The following RARB variants were observed in gnomAD, a reference collection of about 807,000 sequenced individuals.
RARB encodes the protein HBV-activated protein.
In RARB, 17 loss-of-function variants were observed where a neutral mutation model predicts 51.9. The ratio of observed to expected loss-of-function variants is 0.33; its 90% CI spans 0.22 to 0.49. The LOEUF (loss-of-function observed/expected upper bound fraction) is 0.49. Among genes scored for constraint, RARB ranks in the 20% least tolerant of loss-of-function variants. RARB has a pLI of 0.99. For synonymous variants in RARB, 215 were observed against 195.4 expected, an observed-to-expected ratio of 1.10 and a Z score of -0.84; for missense variants, 369 against 550.8, an observed-to-expected ratio of 0.67 and a Z score of 3.30.
At chr3:25,524,111 C>T (rs1698530738) in intron 3 of RARB, among the ~76,000 whole-genome samples, 3 of 152,138 alleles carry the variant, frequency 2.0e-5, no homozygotes, top group Admixed American at 2.0e-4. Context: ...GCAAGAAATT[C>T]TTGAAGTATC....
intron 5 of RARB, among the ~76,000 whole-genome samples, chr3:25,219,209 C>T (rs967847374): frequency 2.6e-5 from 4 of 151,782 alleles, no homozygotes; most frequent in African/African-American, 9.7e-5. Flanking sequence ...CTATTAAAGT[C>T]ATTTTTAATG....
chr3:25,382,167 A>C (rs1470452842), intron 5 of RARB, among the ~76,000 whole-genome samples: 1 of 152,228 alleles, frequency 6.6e-6, no homozygotes, highest in African/African-American at 2.4e-5. Context: ...GACACATTAA[A>C]ACAAAGAGAT....
At chr3:24,898,771 C>T in intron 2 of RARB, among the ~76,000 whole-genome samples, 1 of 152,120 alleles carries the variant, frequency 6.6e-6, no homozygotes, top group African/African-American at 2.4e-5. Flanking sequence ...TAGCTTTTTG[C>T]TCTAATGTTT....
chr3:25,413,149 G>A (rs1041417310), intron 5 of RARB, among the ~76,000 whole-genome samples: 2 of 152,076 alleles, frequency 1.3e-5, no homozygotes, highest in African/African-American at 4.8e-5. Flanking sequence ...TAGATTAAAA[G>A]GTAACCAGTA....
intron 2 of RARB, among the ~76,000 whole-genome samples, chr3:24,893,700 A>G (rs1164330046): frequency 6.8e-6 from 1 of 147,106 alleles, no homozygotes; most frequent in African/African-American, 2.5e-5. Flanking sequence ...TTTTTTTTTT[A>G]ATTTTGTAGA....
At chr3:25,345,709 G>C (rs1433676143) in intron 5 of RARB, among the ~76,000 whole-genome samples, 3 of 150,452 alleles carry the variant, frequency 2.0e-5, no homozygotes, top group Non-Finnish European at 3.0e-5. Context: ...CTAAATTTAA[G>C]TGGAATTTAG....
chr3:25,135,400 T>A (rs1349560420), intron 4 of RARB, among the ~76,000 whole-genome samples: 1 of 151,982 alleles, frequency 6.6e-6, no homozygotes, highest in South Asian at 2.1e-4. Context: ...AATAACCCCA[T>A]TTACCTGGAT....
At chr3:24,973,823 T>G (rs1401523065) in intron 2 of RARB, among the ~76,000 whole-genome samples, 2 of 152,100 alleles carry the variant, frequency 1.3e-5, no homozygotes, top group African/African-American at 4.8e-5. Context: ...TTTACTGAAT[T>G]CGTTTATGAG....
intron 5 of RARB, among the ~76,000 whole-genome samples, chr3:25,590,649 A>G (rs960711643): frequency 6.6e-6 from 1 of 152,174 alleles, no homozygotes; most frequent in Non-Finnish European, 1.5e-5. Flanking sequence ...CCTGCCCAGC[A>G]GATGGGACTA....
intron 5 of RARB, among the ~76,000 whole-genome samples, chr3:25,588,074 A>C (rs1262159775): frequency 6.6e-6 from 1 of 152,248 alleles, no homozygotes; most frequent in African/African-American, 2.4e-5. Flanking sequence ...CTCAGAGCTC[A>C]TATTCTAGAA....
intron 5 of RARB, among the ~76,000 whole-genome samples, chr3:25,284,579 A>C (rs1238167627): frequency 6.6e-6 from 1 of 152,126 alleles, no homozygotes; most frequent in Admixed American, 6.5e-5. Context: ...TGAGGGAAGC[A>C]GCATTCTAAA....
intron 2 of RARB, among the ~76,000 whole-genome samples, chr3:25,487,607 G>A (rs1328369048): frequency 1.3e-5 from 2 of 151,718 alleles, no homozygotes; most frequent in South Asian, 2.1e-4. Context: ...AGCTTTGAGC[G>A]GATAAAAATT....
intron 5 of RARB, among the ~76,000 whole-genome samples, chr3:25,250,094 T>G (rs1440485489): frequency 6.6e-6 from 1 of 152,060 alleles, no homozygotes; most frequent in African/African-American, 2.4e-5. Context: ...GTGCTGGTGG[T>G]GGCTGTGACA....
At chr3:25,403,035 C>G (rs1034482049) in intron 5 of RARB, among the ~76,000 whole-genome samples, 9 of 151,742 alleles carry the variant, frequency 5.9e-5, no homozygotes, top group African/African-American at 2.2e-4. Flanking sequence ...TGGTGGTGGG[C>G]GCCTGTAGTC....
At chr3:25,142,815 C>T (rs901846782) in intron 4 of RARB, among the ~76,000 whole-genome samples, 5 of 128,540 alleles carry the variant, frequency 3.9e-5, no homozygotes, top group African/African-American at 1.0e-4. Flanking sequence ...ACCTCGGGCT[C>T]TGTGGTCAAG....
chr3:25,392,374 T>C (rs1706989689), intron 5 of RARB, among the ~76,000 whole-genome samples: 1 of 105,368 alleles, frequency 9.5e-6, no homozygotes, highest in African/African-American at 3.1e-5. Context: ...CTATGTGGGC[T>C]TTTTTTTTGG....
At chr3:25,163,493 C>T (rs1224313045) in intron 4 of RARB, among the ~76,000 whole-genome samples, 1 of 123,046 alleles carries the variant, frequency 8.1e-6, no homozygotes, top group Non-Finnish European at 1.7e-5. Context: ...CAGAATAAGA[C>T]CCTATCTCAA....
At chr3:25,415,463 A>G (rs1314996229) in intron 5 of RARB, among the ~76,000 whole-genome samples, 2 of 152,178 alleles carry the variant, frequency 1.3e-5, no homozygotes, top group African/African-American at 4.8e-5. Context: ...TTTGGAAAAT[A>G]CTATATTTTT....
intron 3 of RARB, among the ~76,000 whole-genome samples, chr3:25,129,012 A>G (rs766954427): frequency 6.6e-5 from 10 of 152,122 alleles, no homozygotes; most frequent in South Asian, 2.1e-4. Context: ...AGAAGTTCCA[A>G]TGTAAGTTCT....
Sources: allele counts gnomAD v4.1 joint callset (sites outside exome capture counted in the v4.1 genomes callset), GRCh38; gene constraint gnomAD v4.1.1; transcripts MANE v1.5; gene names NCBI Gene and HGNC (gene_info 2026-07-23, HGNC 2026-07-21).